Variants in CAND2 observed in about 807,000 individuals in gnomAD.
CAND2 encodes cullin-associated NEDD8-dissociated protein 2.
In CAND2, 62 loss-of-function variants were observed where a neutral mutation model predicts 98.9. The ratio of observed to expected loss-of-function variants is 0.63; its 90% CI spans 0.51 to 0.77. CAND2 has a LOEUF of 0.77. Among genes scored for constraint, CAND2 ranks in the 30% least tolerant of loss-of-function variants. The pLI, the probability that CAND2 is intolerant of heterozygous loss-of-function variation, is 0.00. For synonymous variants in CAND2, 770 were observed against 731.9 expected (o/e 1.05, Z -0.84); for missense variants, 1,501 against 1,655.2 (o/e 0.91, Z 1.62).
chr3:12,815,072 C>G lies in CAND2; in HGVS notation c.1007-69C>G. 1 of 1,496,048 alleles carries G rather than the reference C, an allele frequency of 6.7e-7. No homozygotes were observed. Among genetic ancestry groups the G allele is most frequent in the Non-Finnish European group, 9.1e-7 (1 of 1,096,634 alleles). The allele number at this position is 1,496,048 out of a possible 1,614,324, so 92.7% of individuals were successfully genotyped here. ...TGCCCAGCTCTCTCTCCTCCCTGTC[C>G]CTTCTCCCCCGAGCCACAGACCTGT... On this transcript the variant is annotated intron_variant, in intron 7 of 14. Coordinates refer to ENST00000456430, the MANE Select transcript of CAND2 (RefSeq NM_001162499.2). This position sits in a 1 kb window ranked among gnomAD's most constrained non-coding sequence, Gnocchi z 5.7.
intron 9 of CAND2, 87 bp from the exon 10 acceptor site, chr3:12,816,287 C>G (rs1477032390): frequency 1.5e-5 from 20 of 1,326,174 alleles, no homozygotes; most frequent in Non-Finnish European, 2.1e-5. Context: ...CCAGCTCAGG[C>G]ACTTGTAGGT....
At chr3:12,826,643 G>T (rs1033005117) in intron 12 of CAND2, among the ~76,000 whole-genome samples, 1 of 151,854 alleles carries the variant, frequency 6.6e-6, no homozygotes, top group South Asian at 2.1e-4. Context: ...TTGCCCAGAC[G>T]TCTCAAATTC....
At chr3:12,827,688 T>C in intron 13 of CAND2, 84 bp downstream of exon 13, 1 of 1,298,054 alleles carries the variant, frequency 7.7e-7, no homozygotes, top group Non-Finnish European at 1.1e-6. Flanking sequence ...TGTTTGTCCT[T>C]GCTCCCTACT....
At chr3:12,806,268 A>T (rs905285866) in intron 2 of CAND2, among the ~76,000 whole-genome samples, 25 of 152,104 alleles carry the variant, frequency 1.6e-4, no homozygotes, top group Admixed American at 1.6e-3. Context: ...TGATCACGCC[A>T]CTGTATTCCA....
chr3:12,822,925 CCTCT>C (rs1341405488), intron 11 of CAND2, among the ~76,000 whole-genome samples: 2 of 152,034 alleles, frequency 1.3e-5, no homozygotes, highest in East Asian at 1.9e-4. Context: ...TCCCTCCCTG[CCTCT>C]CTTTCTCTCC....
intron 13 of CAND2, among the ~76,000 whole-genome samples, chr3:12,830,726 A>AG: frequency 6.6e-6 from 1 of 152,356 alleles, no homozygotes; most frequent in South Asian, 2.1e-4. Flanking sequence ...CCCAGTTCAC[A>AG]GGGGAGACGG....
intron 2 of CAND2, 84 bp from the exon 3 acceptor site, chr3:12,807,222 C>A: frequency 7.6e-7 from 1 of 1,317,818 alleles, no homozygotes; most frequent in Non-Finnish European, 1.0e-6. Context: ...CGTGTGGCCG[C>A]AGGAGCATGA....
chr3:12,807,929 G>C (rs1163574846), intron 3 of CAND2, among the ~76,000 whole-genome samples: 2 of 152,232 alleles, frequency 1.3e-5, no homozygotes, highest in Admixed American at 1.3e-4. Context: ...GGCAGGAAAG[G>C]AAGTGTTTAA....
chr3:12,806,793 C>T (rs1416095058), intron 2 of CAND2, among the ~76,000 whole-genome samples: 1 of 152,220 alleles, frequency 6.6e-6, no homozygotes, highest in African/African-American at 2.4e-5. Flanking sequence ...GATTCCACAT[C>T]CTGAACAAGC....
At chr3:12,800,105 C>T (rs2061755172) in intron 1 of CAND2, among the ~76,000 whole-genome samples, 1 of 152,230 alleles carries the variant, frequency 6.6e-6, no homozygotes, top group South Asian at 2.1e-4. Flanking sequence ...GTGCTCACCT[C>T]AGGCCTTGGC....
intron 11 of CAND2, among the ~76,000 whole-genome samples, chr3:12,821,532 G>A (rs953537934): frequency 3.9e-5 from 6 of 152,296 alleles, no homozygotes; most frequent in East Asian, 3.9e-4. Context: ...CAAGGTCATC[G>A]GCAGCAACTT....
At position 12,831,066 on chromosome 3, in the gene CAND2, C is replaced by CCTTTTT. The variant is rs144339544; in HGVS notation, c.3376-399_3376-398insCTTTTT. Among the ~76,000 whole-genome samples the CCTTTTT allele has an allele frequency of 6.7e-3, 1,007 of 151,236 alleles. 7 individuals are homozygous for CCTTTTT. Among genetic ancestry groups the CCTTTTT allele is most frequent in the African/African-American group, 0.024 (966 of 41,096 alleles). On this transcript the variant is annotated intron_variant, in intron 13 of 14. Coordinates refer to ENST00000456430, the MANE Select transcript of CAND2 (RefSeq NM_001162499.2). ...AGGTGTCAACATTTAAAAATCGAGA[C>CCTTTTT]TTTTTTTTTACATGAAAATTGGGAT...
chr3:12,831,948 T>A (rs1235361004), intron 14 of CAND2, among the ~76,000 whole-genome samples: 1 of 152,210 alleles, frequency 6.6e-6, no homozygotes. Flanking sequence ...GTTGGGAAGC[T>A]GGGTCAGATG....
rs573101371 is a variant in CAND2 at position 12,801,694 on chromosome 3, T to C, written c.69-1794T>C. Reference sequence around the variant, plus strand: ...CAGTGAGCCAGTCAGCTATTGGCGCTGGTCTCCAAAATATGCCCATGCCCA... The same window carrying C: ...CAGTGAGCCAGTCAGCTATTGGCGCCGGTCTCCAAAATATGCCCATGCCCA... On this transcript the variant is annotated intron_variant, in intron 1 of 14. Coordinates refer to ENST00000456430, the MANE Select transcript of CAND2 (RefSeq NM_001162499.2). Among the ~76,000 whole-genome samples, 7 of 152,354 alleles carry C rather than the reference T, an allele frequency of 4.6e-5. No homozygotes were observed. In the East Asian group the frequency reaches 1.4e-3, roughly 29 times the overall value.
At chr3:12,814,936 G>C (rs2061884030) in intron 7 of CAND2, among the ~76,000 whole-genome samples, 1 of 152,110 alleles carries the variant, frequency 6.6e-6, no homozygotes, top group South Asian at 2.1e-4. Flanking sequence ...TAAGATTATG[G>C]GTTTGACATG....
chr3:12,820,911 G>A (rs550463426), intron 11 of CAND2, among the ~76,000 whole-genome samples: 201 of 152,252 alleles, frequency 1.3e-3, no homozygotes, highest in Admixed American at 3.9e-3. Context: ...GTGTGAGTGT[G>A]GACAAGTCTT....
At chr3:12,818,977 TCA>T (rs1314827173) in intron 10 of CAND2, among the ~76,000 whole-genome samples, 1 of 152,168 alleles carries the variant, frequency 6.6e-6, no homozygotes, top group Non-Finnish European at 1.5e-5. Context: ...AGCCACCCGG[TCA>T]CATTTCCTTT....
chr3:12,826,479 G>C (rs1312109831), intron 12 of CAND2, among the ~76,000 whole-genome samples: 1 of 152,156 alleles, frequency 6.6e-6, no homozygotes, highest in Non-Finnish European at 1.5e-5. Flanking sequence ...CTAGGCTGGA[G>C]TGCAGTGGCA....
chr3:12,833,778 G>A lies in CAND2; in HGVS notation c.3507G>A (p.Gln1169=). 2 of 1,614,120 alleles carry A rather than the reference G, an allele frequency of 1.2e-6. No individual in the cohort carries two copies. Among genetic ancestry groups the A allele is most frequent in the Non-Finnish European group, 1.7e-6 (2 of 1,179,968 alleles). The stretch of plus-strand genomic sequence containing the variant: ...AGGTCAAAGCTGGTTCTGTGAAGCA[G>A]GAGTTTGAAAAGCAAGATGAACTGA... ...TAKVKAGSVK[Q]EFEKQDELKR... is the part of the protein sequence containing the mutation. The change falls in exon 15 of 15, where the codon CAG becomes CAA. Residue 1169 remains glutamine, a synonymous_variant. Transcript: ENST00000456430.
Sources: gnomAD v4.1 joint callset for allele counts (sites outside exome capture counted in the v4.1 genomes callset) on GRCh38, gnomAD v4.1.1 for gene constraint, Gnocchi (gnomAD v3.1) non-coding constraint, MANE v1.5 for transcripts, NCBI Gene and HGNC (gene_info 2026-07-23, HGNC 2026-07-21) for gene names.